Variants in TLL2 observed in about 807,000 individuals in gnomAD.
TLL2 encodes the protein tolloid like 2, also known as tolloid-like protein 2.
In TLL2, 106 loss-of-function variants were observed where a neutral mutation model predicts 123.0. The ratio of observed to expected loss-of-function variants is 0.86; its 90% confidence interval spans 0.74 to 1.01. The LOEUF is 1.01. TLL2 is among the 50% of genes least tolerant of loss of function. The probability of loss-of-function intolerance (pLI) is 0.00; values close to 1 mark genes in which losing one functional copy is unlikely to be tolerated. For synonymous variants in TLL2, 494 were observed against 516.8 expected, an observed-to-expected ratio of 0.96 and a Z score of 0.60; for missense variants, 1,332 against 1,336.7, an observed-to-expected ratio of 1.00 and a Z score of 0.06.
chr10:96,378,290 G>A (rs1003837383), intron 17 of TLL2, among the ~76,000 whole-genome samples: 4 of 152,240 alleles, frequency 2.6e-5, no homozygotes, highest in African/African-American at 9.6e-5. Context: ...GCCAAGGCCT[G>A]GAAGCCTGTG....
At chr10:96,375,155 A>T (rs1589404571) in intron 18 of TLL2, among the ~76,000 whole-genome samples, 1 of 152,134 alleles carries the variant, frequency 6.6e-6, no homozygotes, top group Non-Finnish European at 1.5e-5. Flanking sequence ...GGGTAGAGAC[A>T]CGGGACAGGG....
At chr10:96,407,775 G>A (rs771226672) in intron 9 of TLL2, among the ~76,000 whole-genome samples, 2 of 152,188 alleles carry the variant, frequency 1.3e-5, no homozygotes, top group Non-Finnish European at 2.9e-5. Context: ...GTCAGTGCCA[G>A]GAAAAAACAG....
At chr10:96,461,472 G>T (rs932119275) in intron 2 of TLL2, among the ~76,000 whole-genome samples, 1 of 152,176 alleles carries the variant, frequency 6.6e-6, no homozygotes, top group African/African-American at 2.4e-5. Flanking sequence ...CTCAGCCCAA[G>T]CTCTGCCTGA....
chr10:96,493,624 C>T (rs147445331), intron 1 of TLL2, among the ~76,000 whole-genome samples: 14 of 152,144 alleles, frequency 9.2e-5, no homozygotes, highest in African/African-American at 2.7e-4. Context: ...AATTGGGGAA[C>T]GGGATCCTGA....
chr10:96,467,972 A>T (rs1847145502), intron 2 of TLL2, among the ~76,000 whole-genome samples: 1 of 152,046 alleles, frequency 6.6e-6, no homozygotes, highest in Admixed American at 6.6e-5. Flanking sequence ...AACTCAAAGT[A>T]TTTTCCCATG....
intron 1 of TLL2, among the ~76,000 whole-genome samples, chr10:96,492,763 G>A (rs905905951): frequency 3.3e-5 from 5 of 152,140 alleles, no homozygotes; most frequent in Admixed American, 6.5e-5. Flanking sequence ...CAAATATCAC[G>A]GCTCTCCAAG....
At chr10:96,442,570 A>G (rs2154204) in intron 3 of TLL2, among the ~76,000 whole-genome samples, 146,579 of 152,260 alleles carry the variant, frequency 0.96, 70,772 homozygotes, top group East Asian at 1. Flanking sequence ...ATGCAGAGTG[A>G]AGGGACTGGC....
At chr10:96,378,943 C>CA in intron 17 of TLL2, 24 bp downstream of exon 17, 1 of 1,612,470 alleles carries the variant, frequency 6.2e-7, no homozygotes, top group Non-Finnish European at 8.5e-7. Context: ...CCCGCCCCCC[C>CA]AACAACTGGA....
At position 96,507,498 on chromosome 10, in the gene TLL2, T is replaced by G. The variant is rs903184684; in HGVS notation, c.175+6013A>C. ...TACTCATTTATTGCAAAAATTCAAT[T>G]TCCTCTACAGCATTTCAACAAAAGA... On this transcript the variant is annotated intron_variant, in intron 1 of 20. Coordinates refer to ENST00000357947, the MANE Select transcript of TLL2 (RefSeq NM_012465.4). Among the ~76,000 whole-genome samples the G allele has an allele frequency of 2.0e-4, 30 of 152,064 alleles. 1 individual carries two copies. The highest frequency in any genetic ancestry group is 2.0e-4 in the Admixed American group (3 of 15,264).
intron 1 of TLL2, among the ~76,000 whole-genome samples, chr10:96,484,484 A>G (rs1219702049): frequency 2.6e-5 from 4 of 152,108 alleles, no homozygotes; most frequent in African/African-American, 9.7e-5. Flanking sequence ...GCAACCTCGC[A>G]CATATTACTC....
At chr10:96,449,260 T>G (rs544121649) in intron 2 of TLL2, among the ~76,000 whole-genome samples, 1 of 152,300 alleles carries the variant, frequency 6.6e-6, no homozygotes, top group South Asian at 2.1e-4. Flanking sequence ...GTGGGTCCTG[T>G]CTGACCCCCA....
chr10:96,387,078 TC>T lies in TLL2; in HGVS notation c.1727-1del. The stretch of plus-strand genomic sequence containing the variant: ...ATCTGGCCAGGAACACTCATCCACC[TC>T]TGGTGGGGAAGGAAGGTGACCCCGG... On this transcript the variant is annotated splice_acceptor_variant, in intron 13 of 20. Transcript: ENST00000357947. LOFTEE classifies it high-confidence loss of function. 1.2e-6 allele frequency: 2 copies of T among 1,612,324 alleles called. No individual in the cohort carries two copies. The highest frequency in any genetic ancestry group is 2.2e-5 in the South Asian group (2 of 91,040).
intron 1 of TLL2, among the ~76,000 whole-genome samples, chr10:96,511,035 C>T (rs1022863456): frequency 2.0e-5 from 3 of 146,954 alleles, no homozygotes; most frequent in African/African-American, 7.4e-5. Context: ...TCAAGACCCT[C>T]CCCTCTGCAT....
intron 7 of TLL2, among the ~76,000 whole-genome samples, chr10:96,416,251 C>A (rs930448148): frequency 1.3e-5 from 2 of 152,230 alleles, no homozygotes; most frequent in African/African-American, 4.8e-5. Context: ...ATAAGGATCA[C>A]ACAGTCTATA....
intron 1 of TLL2, 120 bp downstream of exon 1, chr10:96,513,391 G>C (rs1589441129): frequency 8.0e-7 from 1 of 1,251,188 alleles, no homozygotes; most frequent in Non-Finnish European, 1.1e-6. Flanking sequence ...CGGGGGAGCC[G>C]GGGATCTCAG....
intron 18 of TLL2, among the ~76,000 whole-genome samples, chr10:96,376,205 C>T (rs1421404457): frequency 6.6e-6 from 1 of 152,224 alleles, no homozygotes; most frequent in Non-Finnish European, 1.5e-5. Context: ...ATATATTTCC[C>T]TGTGCACTGA....
intron 10 of TLL2, among the ~76,000 whole-genome samples, chr10:96,403,103 C>T (rs963714819): frequency 1.3e-5 from 2 of 152,196 alleles, no homozygotes; most frequent in Non-Finnish European, 1.5e-5. Flanking sequence ...ACAATACACT[C>T]TCAGCTGAGA....
At chr10:96,384,065 T>C (rs1276426382) in intron 16 of TLL2, among the ~76,000 whole-genome samples, 1 of 152,110 alleles carries the variant, frequency 6.6e-6, no homozygotes, top group Non-Finnish European at 1.5e-5. Context: ...AATCTTGAGA[T>C]GAAATCATCT....
chr10:96,423,005 G>A (rs56097492), intron 5 of TLL2, among the ~76,000 whole-genome samples: 49,612 of 151,714 alleles, frequency 0.33, 8,182 homozygotes, highest in Non-Finnish European at 0.36. Context: ...GTGTGTGCCT[G>A]TAATCCCAGC....
Sources: gnomAD v4.1 joint callset for allele counts (sites outside exome capture counted in the v4.1 genomes callset) on GRCh38, gnomAD v4.1.1 for gene constraint, MANE v1.5 for transcripts, NCBI Gene and HGNC (gene_info 2026-07-23, HGNC 2026-07-21) for gene names.